ITPKB: variants seen among roughly 807,000 people sequenced by gnomAD.
ITPKB encodes inositol-trisphosphate 3-kinase B.
Under a neutral mutation model 69.4 loss-of-function variants are expected in ITPKB, and 13 were observed. The observed-to-expected ratio is 0.19, with a 90% CI of 0.12 to 0.30. ITPKB has a LOEUF of 0.30. Ranked by LOEUF, ITPKB falls within the 10% of genes least tolerant of loss-of-function variation. The probability of loss-of-function intolerance (pLI) is 1.00; values close to 1 mark genes in which losing one functional copy is unlikely to be tolerated. For missense variants in ITPKB, 1,240 were observed against 1,250.5 expected, an observed-to-expected ratio of 0.99 and a Z score of 0.13; for synonymous variants, 584 against 513.7, an observed-to-expected ratio of 1.14 and a Z score of -1.85.
chr1:226,676,793 T>A (rs1032263994), intron 2 of ITPKB, among the ~76,000 whole-genome samples: 1 of 152,230 alleles, frequency 6.6e-6, no homozygotes, highest in African/African-American at 2.4e-5. Context: ...TCTAAATAAG[T>A]TTATCCAAGC....
intron 4 of ITPKB, among the ~76,000 whole-genome samples, chr1:226,643,222 C>T (rs943629951): frequency 5.3e-5 from 8 of 152,074 alleles, no homozygotes; most frequent in Admixed American, 4.6e-4. Context: ...GGGGCTGAAT[C>T]GCTGGCCCTG....
At chr1:226,664,702 G>A (rs983280054) in intron 2 of ITPKB, among the ~76,000 whole-genome samples, 3 of 152,200 alleles carry the variant, frequency 2.0e-5, no homozygotes, top group African/African-American at 7.2e-5. Context: ...GAAAAACCCA[G>A]CTGAAGAAAA....
At chr1:226,660,102 G>A (rs1284822251) in intron 2 of ITPKB, among the ~76,000 whole-genome samples, 11 of 152,234 alleles carry the variant, frequency 7.2e-5, no homozygotes, top group Non-Finnish European at 1.5e-4. Flanking sequence ...CCCCACGGCT[G>A]GCAGCCTGGC....
chr1:226,681,830 C>T (rs574669084), intron 2 of ITPKB, among the ~76,000 whole-genome samples: 3 of 152,172 alleles, frequency 2.0e-5, no homozygotes, highest in Admixed American at 6.5e-5. Flanking sequence ...CCTGCCTCCT[C>T]CAAAACAAAT....
intron 2 of ITPKB, among the ~76,000 whole-genome samples, chr1:226,718,290 C>CA (rs60739828): frequency 0.11 from 10,191 of 96,306 alleles, 861 homozygotes; most frequent in African/African-American, 0.24. Context: ...CAAGACTTCT[C>CA]AAAAAAAAAA....
At chr1:226,737,980 C>G (rs887030784) in intron 1 of ITPKB, among the ~76,000 whole-genome samples, 2 of 152,226 alleles carry the variant, frequency 1.3e-5, no homozygotes, top group Non-Finnish European at 2.9e-5. Flanking sequence ...TCCTTGGCTC[C>G]TAAGTATGCT....
chr1:226,704,013 G>C (rs61835604), intron 2 of ITPKB, among the ~76,000 whole-genome samples: 1,935 of 152,254 alleles, frequency 0.013, 30 homozygotes, highest in Middle Eastern at 0.017. Context: ...TCCACGGTCA[G>C]CTTGCAGAGC....
chr1:226,637,803 G>A lies in ITPKB; in HGVS notation c.2554-53C>T. ...TAAGCGCCGCGTGGGGAAGGGCAGTGTCAGAACACCCATGCGGCCTCTAGT... is the reference window on the plus strand; with the variant it reads ...TAAGCGCCGCGTGGGGAAGGGCAGTATCAGAACACCCATGCGGCCTCTAGT... On this transcript the variant is annotated intron_variant, in intron 6 of 7. Transcript: ENST00000429204. The surrounding 1 kb of genome is among the most constrained non-coding windows in gnomAD (Gnocchi z 4.3). The A allele has an allele frequency of 7.3e-7, 1 of 1,366,898 alleles. No individual in the cohort carries two copies. Among genetic ancestry groups the A allele is most frequent in the Non-Finnish European group, 1.0e-6 (1 of 961,232 alleles). The allele number at this position is 1,366,898 out of a possible 1,614,324, so 84.7% of individuals were successfully genotyped here. A position where few individuals can be genotyped will look rare whatever the true frequency, so the allele number is the denominator to read the frequency against.
chr1:226,636,750 C>CTGTGTGTGTG (rs1491325492), intron 7 of ITPKB, among the ~76,000 whole-genome samples: 1 of 121,256 alleles, frequency 8.2e-6, no homozygotes, highest in Non-Finnish European at 1.7e-5. Flanking sequence ...AGGACTGCAG[C>CTGTGTGTGTG]TCTGTGTGTG....
intron 2 of ITPKB, among the ~76,000 whole-genome samples, chr1:226,734,491 T>C (rs1196834969): frequency 3.3e-5 from 5 of 152,164 alleles, no homozygotes; most frequent in Non-Finnish European, 7.4e-5. Context: ...GGCTACCTAC[T>C]ATAATAAAAT....
In ITPKB at chr1:226,643,828, C is replaced by T. The variant is rs901984415; in HGVS notation, c.2247-1703G>A. ...GCACATACACACACATGTGCTCATG[C>T]ACACACATGCACATAAACGCGGACT... is the stretch of plus-strand genomic sequence containing the variant. On this transcript the variant is annotated intron_variant, in intron 4 of 7. Coordinates refer to ENST00000429204, the MANE Select transcript of ITPKB (RefSeq NM_002221.4). Among the ~76,000 whole-genome samples the T allele has an allele frequency of 4.6e-5, 7 of 152,352 alleles. No individual in the cohort carries two copies. The East Asian group carries it at 1.2e-3, about 25-fold the overall frequency.
intron 2 of ITPKB, among the ~76,000 whole-genome samples, chr1:226,666,291 G>T (rs2102761986): frequency 6.6e-6 from 1 of 152,302 alleles, no homozygotes; most frequent in East Asian, 1.9e-4. Context: ...GACTCAGCAA[G>T]GTCTGCCAGC....
At chr1:226,662,761 T>G (rs1370779451) in intron 2 of ITPKB, among the ~76,000 whole-genome samples, 1 of 152,214 alleles carries the variant, frequency 6.6e-6, no homozygotes, top group Non-Finnish European at 1.5e-5. Context: ...GCTACACTGG[T>G]GCAATTCATA....
At chr1:226,664,227 A>C (rs1253718453) in intron 2 of ITPKB, among the ~76,000 whole-genome samples, 2 of 152,272 alleles carry the variant, frequency 1.3e-5, no homozygotes, top group Non-Finnish European at 2.9e-5. Context: ...TAGAGGCTGA[A>C]GAACGGGCTT....
Position 226,737,588 on chromosome 1 carries a change from G to C in ITPKB, c.-130C>G. On this transcript the variant is annotated 5_prime_UTR_variant, in exon 2 of 8. Coordinates refer to ENST00000429204, the MANE Select transcript of ITPKB (RefSeq NM_002221.4). ...CGCGGCTCCGCGCGCAGATGGGGCG[G>C]CATGGCCTGGGCAGCGGGCTGGGGG... 1 of 1,189,658 alleles carries C rather than the reference G, an allele frequency of 8.4e-7. No individual in the cohort carries two copies. The allele number at this position is 1,189,658 out of a possible 1,614,324, so 73.7% of individuals were successfully genotyped here. A position where few individuals can be genotyped will look rare whatever the true frequency, so the allele number is the denominator to read the frequency against.
intron 2 of ITPKB, among the ~76,000 whole-genome samples, chr1:226,710,558 G>A (rs1037899773): frequency 3.9e-5 from 6 of 152,338 alleles, no homozygotes; most frequent in African/African-American, 9.6e-5. Context: ...ACTCTTAAGC[G>A]TCTACTGCCG....
chr1:226,666,342 T>A (rs1669502781), intron 2 of ITPKB, among the ~76,000 whole-genome samples: 1 of 152,160 alleles, frequency 6.6e-6, no homozygotes, highest in Non-Finnish European at 1.5e-5. Flanking sequence ...AAGCTGTAAG[T>A]GCTTGCTGCT....
At chr1:226,691,692 TTCA>T (rs1656356582) in intron 2 of ITPKB, among the ~76,000 whole-genome samples, 1 of 152,216 alleles carries the variant, frequency 6.6e-6, no homozygotes, top group Non-Finnish European at 1.5e-5. Context: ...TCTGACCCAT[TTCA>T]ACTTTCCCTA....
At chr1:226,727,600 C>T (rs1257470215) in intron 2 of ITPKB, among the ~76,000 whole-genome samples, 1 of 152,050 alleles carries the variant, frequency 6.6e-6, no homozygotes, top group Admixed American at 6.6e-5. Flanking sequence ...TCAGTTTATT[C>T]GTTCTCCTTT....
Sources: gnomAD v4.1 joint callset for allele counts (sites outside exome capture counted in the v4.1 genomes callset) on GRCh38, gnomAD v4.1.1 for gene constraint, Gnocchi (gnomAD v3.1) non-coding constraint, MANE v1.5 for transcripts, NCBI Gene and HGNC (gene_info 2026-07-23, HGNC 2026-07-21) for gene names.